The following EPHB6 variants were observed in gnomAD, a reference collection of about 807,000 sequenced individuals.
EPHB6 encodes ephrin type-B receptor 6.
EPHB6 carries 51 observed loss-of-function variants against 107.0 expected under a neutral mutation model. The ratio of observed to expected loss-of-function variants is 0.48; its 90% confidence interval spans 0.38 to 0.60. The LOEUF is 0.60. Ranked by LOEUF, EPHB6 falls within the 20% of genes least tolerant of loss-of-function variation. The pLI is 0.00. For synonymous variants in EPHB6, 553 were observed against 549.0 expected (o/e 1.01, Z -0.10); for missense variants, 1,141 against 1,355.5 (o/e 0.84, Z 2.48).
chr7:142,855,566 A>G lies in EPHB6; in HGVS notation c.-432+181A>G, dbSNP rs1379339294. ...TTCATGAAGGGTGAGGAAACGGTCA[A>G]CCTGGCTACTCCCCTCTCACTCCAC... is the stretch of plus-strand genomic sequence containing the variant. On this transcript the variant is annotated intron_variant, in intron 1 of 19. Coordinates refer to ENST00000652003, the MANE Select transcript of EPHB6 (RefSeq NM_004445.6). This position sits in a 1 kb window ranked among gnomAD's most constrained non-coding sequence, Gnocchi z 4.2. Among the ~76,000 whole-genome samples, 1 of 152,108 alleles carries G rather than the reference A, an allele frequency of 6.6e-6. No homozygotes were observed. Among genetic ancestry groups the G allele is most frequent in the Admixed American group, 6.5e-5 (1 of 15,278 alleles).
chr7:142,858,445 T>C (rs1432374017), intron 1 of EPHB6, among the ~76,000 whole-genome samples: 2 of 132,338 alleles, frequency 1.5e-5, no homozygotes, highest in African/African-American at 2.9e-5. Context: ...TTTTTTTTTT[T>C]TTTTTTTTGA....
Position 142,863,676 on chromosome 7 carries a change from T to G in EPHB6, c.146T>G (p.Leu49Arg). 1 of 1,613,794 alleles carries G rather than the reference T, an allele frequency of 6.2e-7. No individual in the cohort carries two copies. The highest frequency in any genetic ancestry group is 1.1e-5 in the South Asian group (1 of 91,062). Reference sequence around the variant, plus strand: ...GGAGAGACATCTGAGATTGGCTGGCTCACCTACCCACCAGGGGGGGTGAGT... The same window carrying G: ...GGAGAGACATCTGAGATTGGCTGGCGCACCTACCCACCAGGGGGGGTGAGT... ...TTGETSEIGW[L>R]TYPPGGWDEV... The change falls in exon 6 of 20, where the codon CTC (leucine) becomes CGC (arginine). Residue 49 changes from leucine (L) to arginine (R), a missense_variant. Transcript: ENST00000652003.
In EPHB6 at chr7:142,866,220, C is replaced by A. The variant is rs780627246; in HGVS notation, c.1366C>A (p.Pro456Thr). 3 of 1,614,110 alleles carry A rather than the reference C, an allele frequency of 1.9e-6. No homozygotes were observed. Among genetic ancestry groups the A allele is most frequent in the East Asian group, 4.5e-5 (2 of 44,880 alleles). Residue 456 changes from proline to threonine, a missense_variant, in exon 9 of 20, where the codon CCC becomes ACC. This residue lies in a region of EPHB6 where 616 missense variants were observed against 759.3 expected (regional missense o/e 0.81). Transcript: ENST00000652003. This position sits in a 1 kb window ranked among gnomAD's most constrained non-coding sequence, Gnocchi z 5.2. ...AGTGGGGGGACTCCGGGCACACGTA[C>A]CCTACATCTTAGAGGTGCAGGCTGT... ...VLVGGLRAHV[P>T]YILEVQAVNG...
chr7:142,867,773 C>A lies in EPHB6; in HGVS notation c.1865+51C>A. On this transcript the variant is annotated intron_variant, in intron 12 of 19. Coordinates refer to ENST00000652003, the MANE Select transcript of EPHB6 (RefSeq NM_004445.6). This position sits in a 1 kb window ranked among gnomAD's most constrained non-coding sequence, Gnocchi z 5.3. ...TGCCCAGCACCATTAACTCCACAGC[C>A]AAACCTCAAGTCCTGCCAAGTCTGG... 1 of 1,536,578 alleles carries A rather than the reference C, an allele frequency of 6.5e-7. No individual in the cohort carries two copies. The highest frequency in any genetic ancestry group is 8.8e-7 in the Non-Finnish European group (1 of 1,130,106).
chr7:142,858,612 T>TTTC (rs1802713537), intron 1 of EPHB6, among the ~76,000 whole-genome samples: 1 of 148,796 alleles, frequency 6.7e-6, no homozygotes, highest in Non-Finnish European at 1.5e-5. Context: ...ATTTTTTTTT[T>TTTC]TTTTTTTGTA....
Position 142,868,970 on chromosome 7 carries a change from TCAG to T in EPHB6, c.2288_2290del. 3 of 1,607,280 alleles carry T rather than the reference TCAG, an allele frequency of 1.9e-6. No individual in the cohort carries two copies. The highest frequency in any genetic ancestry group is 2.2e-5 in the East Asian group (1 of 44,856). On this transcript the variant is annotated splice_acceptor_variant and splice_polypyrimidine_tract_variant and intron_variant, in intron 15 of 19. Coordinates refer to ENST00000652003, the MANE Select transcript of EPHB6 (RefSeq NM_004445.6). LOFTEE classifies it high-confidence loss of function. This position sits in a 1 kb window ranked among gnomAD's most constrained non-coding sequence, Gnocchi z 4.2. ...GACCTCTGCCCCCTGCCCCTTCCCC[TCAG>T]CAGCGGGAGGGCCAGTTCAGCAGCC...
intron 1 of EPHB6, among the ~76,000 whole-genome samples, chr7:142,856,789 A>G (rs1221146000): frequency 3.3e-5 from 5 of 152,250 alleles, no homozygotes; most frequent in South Asian, 2.1e-4. Context: ...AAGGTGAGGA[A>G]GAAGGGCCCA....
chr7:142,870,511 C>G lies in EPHB6; in HGVS notation c.2805-19C>G. Reference sequence around the variant, plus strand: ...AGATGAAGAGGAGACCTTGACCCTGCTTGCCCCTCCCCTCTTAGGCCTTCC... The same window carrying G: ...AGATGAAGAGGAGACCTTGACCCTGGTTGCCCCTCCCCTCTTAGGCCTTCC... On this transcript the variant is annotated intron_variant, in intron 18 of 19. Coordinates refer to ENST00000652003, the MANE Select transcript of EPHB6 (RefSeq NM_004445.6). The G allele has an allele frequency of 4.3e-6, 7 of 1,614,136 alleles. No individual in the cohort carries two copies. Among genetic ancestry groups the G allele is most frequent in the Non-Finnish European group, 5.9e-6 (7 of 1,180,046 alleles).
chr7:142,868,073 G>A lies in EPHB6; in HGVS notation c.1918+24G>A, dbSNP rs369664986. ...AGGTGGGGATGAGGAGAGGAAATGG[G>A]TGGGGCTGGGGAACACATGGGTGGG... is the stretch of plus-strand genomic sequence containing the variant. On this transcript the variant is annotated intron_variant, in intron 13 of 19. Transcript: ENST00000652003. This position sits in a 1 kb window ranked among gnomAD's most constrained non-coding sequence, Gnocchi z 4.2. 493 of 1,610,730 alleles carry A rather than the reference G, an allele frequency of 3.1e-4. 8 individuals are homozygous for A. The South Asian group carries it at 5.2e-3, about 17-fold the overall frequency.
chr7:142,868,081 G>T lies in EPHB6; in HGVS notation c.1918+32G>T. ...ATGAGGAGAGGAAATGGGTGGGGCT[G>T]GGGAACACATGGGTGGGGCACATGG... On this transcript the variant is annotated intron_variant, in intron 13 of 19. Coordinates refer to ENST00000652003, the MANE Select transcript of EPHB6 (RefSeq NM_004445.6). The surrounding 1 kb of genome is among the most constrained non-coding windows in gnomAD (Gnocchi z 4.2). The T allele has an allele frequency of 6.2e-7, 1 of 1,612,202 alleles. No individual in the cohort carries two copies. The highest frequency in any genetic ancestry group is 1.1e-5 in the South Asian group (1 of 90,752).
Position 142,870,989 on chromosome 7 carries a change from G to A in EPHB6, c.*85G>A. The A allele has an allele frequency of 1.5e-6, 2 of 1,329,108 alleles. No individual in the cohort carries two copies. Among genetic ancestry groups the A allele is most frequent in the South Asian group, 1.2e-5 (1 of 80,968 alleles). 82.3% of individuals were successfully genotyped at this position (1,329,108 alleles called of 1,614,324 possible). A position where few individuals can be genotyped will look rare whatever the true frequency, so the allele number is the denominator to read the frequency against. ...TGAGCCGGGCTCCAACAGCCTCTGT[G>A]AGAGATGCCCCACACCAAACCCAAC... On this transcript the variant is annotated 3_prime_UTR_variant, in exon 20 of 20. Transcript: ENST00000652003.
Position 142,867,155 on chromosome 7 carries a change from T to TGGCCCC in EPHB6, c.1750+89_1750+94dup. 2 of 1,502,066 alleles carry TGGCCCC rather than the reference T, an allele frequency of 1.3e-6. No homozygotes were observed. The highest frequency in any genetic ancestry group is 1.8e-6 in the Non-Finnish European group (2 of 1,117,392). The allele number at this position is 1,502,066 out of a possible 1,614,324, so 93.0% of individuals were successfully genotyped here. A position where few individuals can be genotyped will look rare whatever the true frequency, so the allele number is the denominator to read the frequency against. On this transcript the variant is annotated intron_variant, in intron 11 of 19. Transcript: ENST00000652003. This position sits in a 1 kb window ranked among gnomAD's most constrained non-coding sequence, Gnocchi z 5.3. ...CCAGGGACTGTCCGGCCTTGAACCC[T>TGGCCCC]GGCCCCGTGCTTCCCAACCAGAAGT...
chr7:142,855,575 C>T lies in EPHB6; in HGVS notation c.-432+190C>T, dbSNP rs1802565869. On this transcript the variant is annotated intron_variant, in intron 1 of 19. Coordinates refer to ENST00000652003, the MANE Select transcript of EPHB6 (RefSeq NM_004445.6). The surrounding 1 kb of genome is among the most constrained non-coding windows in gnomAD (Gnocchi z 4.2). ...GGTGAGGAAACGGTCAACCTGGCTA[C>T]TCCCCTCTCACTCCACTCTGACCTG... Among the ~76,000 whole-genome samples, 1 of 152,164 alleles carries T rather than the reference C, an allele frequency of 6.6e-6. No individual in the cohort carries two copies. Among genetic ancestry groups the T allele is most frequent in the African/African-American group, 2.4e-5 (1 of 41,434 alleles).
At position 142,868,144 on chromosome 7, in the gene EPHB6, C is replaced by T; in HGVS notation, c.1918+95C>T. 6.2e-7 allele frequency: 1 copy of T among 1,613,862 alleles called. No individual in the cohort carries two copies. Among genetic ancestry groups the T allele is most frequent in the Non-Finnish European group, 8.5e-7 (1 of 1,179,846 alleles). ...GATCCCCCCAAGATTGGGGGAGCTCCTTGGCACAACCTTCTGGAGGTAAGT... is the reference window on the plus strand; with the variant it reads ...GATCCCCCCAAGATTGGGGGAGCTCTTTGGCACAACCTTCTGGAGGTAAGT... On this transcript the variant is annotated intron_variant, in intron 13 of 19. Transcript: ENST00000652003. The surrounding 1 kb of genome is among the most constrained non-coding windows in gnomAD (Gnocchi z 4.2).
In EPHB6 at chr7:142,869,841, G is replaced by A. The variant is rs1273244017; in HGVS notation, c.2485G>A (p.Ala829Thr). 2.1e-5 allele frequency: 34 copies of A among 1,614,044 alleles called. No homozygotes were observed. Among genetic ancestry groups the A allele is most frequent in the Non-Finnish European group, 2.5e-5 (29 of 1,180,032 alleles). ...GGGCCCAAGTTGTTTGCTTCGCTGG[G>A]CAGCCCCAGAGGTCATTGCACATGG... Reference protein sequence around the residue: ...PQGPSCLLRWAAPEVIAHGKH... With the variant: ...PQGPSCLLRWTAPEVIAHGKH... The change falls in exon 17 of 20, where the codon GCA becomes ACA. Residue 829 changes from alanine (A) to threonine (T), a missense_variant. Ala to Thr is a moderately conservative substitution (Grantham distance 58). This residue lies in a region of EPHB6 where 616 missense variants were observed against 759.3 expected (regional missense o/e 0.81). Transcript: ENST00000652003. This position sits in a 1 kb window ranked among gnomAD's most constrained non-coding sequence, Gnocchi z 4.5.
Position 142,869,979 on chromosome 7 carries a change from C to G in EPHB6, c.2610+13C>G, listed in dbSNP as rs1241170922. 1 of 1,614,124 alleles carries G rather than the reference C, an allele frequency of 6.2e-7. No homozygotes were observed. The highest frequency in any genetic ancestry group is 2.2e-5 in the East Asian group (1 of 44,876). On this transcript the variant is annotated intron_variant, in intron 17 of 19. Transcript: ENST00000652003. This position sits in a 1 kb window ranked among gnomAD's most constrained non-coding sequence, Gnocchi z 4.5. ...GAGTGAGCAGGAGGTGAGCACTGAC[C>G]TAGACACTGCTGATTTCCCACCCCG...
Position 142,869,812 on chromosome 7 carries a change from C to G in EPHB6, c.2461-5C>G. On this transcript the variant is annotated splice_region_variant and splice_polypyrimidine_tract_variant and intron_variant, in intron 16 of 19. Transcript: ENST00000652003. The surrounding 1 kb of genome is among the most constrained non-coding windows in gnomAD (Gnocchi z 4.5). ...TTACTATTTGCTTTTGACTTTACCC[C>G]TCAGGGCCCAAGTTGTTTGCTTCGC... The G allele has an allele frequency of 6.2e-7, 1 of 1,614,210 alleles. No homozygotes were observed.
intron 1 of EPHB6, 29 bp from the exon 2 acceptor site, chr7:142,861,023 G>A (rs1802816681): frequency 6.6e-6 from 1 of 151,718 alleles, no homozygotes. Context: ...GAGCAATCTG[G>A]GCAACATGTC....
Position 142,870,515 on chromosome 7 carries a change from C to T in EPHB6, c.2805-15C>T. 1.9e-6 allele frequency: 3 copies of T among 1,614,114 alleles called. No homozygotes were observed. Among genetic ancestry groups the T allele is most frequent in the Non-Finnish European group, 2.5e-6 (3 of 1,180,034 alleles). ...GAAGAGGAGACCTTGACCCTGCTTG[C>T]CCCTCCCCTCTTAGGCCTTCCCAGG... On this transcript the variant is annotated splice_polypyrimidine_tract_variant and intron_variant, in intron 18 of 19. Coordinates refer to ENST00000652003, the MANE Select transcript of EPHB6 (RefSeq NM_004445.6).
Sources: gnomAD v4.1 joint callset for allele counts (sites outside exome capture counted in the v4.1 genomes callset) on GRCh38, gnomAD v4.1.1 for gene constraint, gnomAD v4.1.1 regional missense constraint, Gnocchi (gnomAD v3.1) non-coding constraint, MANE v1.5 for transcripts, NCBI Gene and HGNC (gene_info 2026-07-23, HGNC 2026-07-21) for gene names.